NPAS3: variants seen among roughly 807,000 people sequenced by gnomAD.
NPAS3 encodes neuronal PAS domain protein 3.
In NPAS3, 14 loss-of-function variants were observed where a neutral mutation model predicts 73.1. The ratio of observed to expected loss-of-function variants is 0.19; its 90% CI spans 0.13 to 0.30. NPAS3 has a LOEUF of 0.30. Among genes scored for constraint, NPAS3 ranks in the 10% least tolerant of loss-of-function variants. The probability of loss-of-function intolerance (pLI) is 1.00; values close to 1 mark genes in which losing one functional copy is unlikely to be tolerated. For synonymous variants in NPAS3, 620 were observed against 541.5 expected (o/e 1.14, Z -2.01); for missense variants, 1,096 against 1,250.0 (o/e 0.88, Z 1.86).
intron 2 of NPAS3, among the ~76,000 whole-genome samples, chr14:33,201,436 G>A (rs184830743): frequency 3.3e-5 from 5 of 152,290 alleles, no homozygotes; most frequent in African/African-American, 4.8e-5. Context: ...AATCACTGCC[G>A]TTTTCAGAAG....
upstream of NPAS3, among the ~76,000 whole-genome samples, chr14:32,935,481 A>G (rs2035667852): frequency 6.6e-6 from 1 of 152,232 alleles, no homozygotes; most frequent in African/African-American, 2.4e-5. Context: ...GCAATTCTAC[A>G]TAATAGTGTT....
chr14:33,143,519 A>G (rs2044133901), intron 2 of NPAS3, among the ~76,000 whole-genome samples: 1 of 152,158 alleles, frequency 6.6e-6, no homozygotes, highest in African/African-American at 2.4e-5. Context: ...CTGTTCTCTT[A>G]GCTTTTCAAT....
intron 6 of NPAS3, among the ~76,000 whole-genome samples, chr14:33,719,506 CTTTCTAAATACAATATAT>C (rs2061046771): frequency 6.6e-6 from 1 of 152,184 alleles, no homozygotes; most frequent in Non-Finnish European, 1.5e-5. Flanking sequence ...TACATTAGAG[CTTTCTAAATACAATATAT>C]TTTCTAAATA....
Position 33,312,597 on chromosome 14 carries a change from T to C in NPAS3, c.386-54589T>C, listed in dbSNP as rs1202631283. On this transcript the variant is annotated intron_variant, in intron 3 of 11. Transcript: ENST00000356141. ...AGAGCTATCATTTGTAGTTTTAAATTACCGATCACGTCTTTAGTATTATCT... is the reference window on the plus strand; with the variant it reads ...AGAGCTATCATTTGTAGTTTTAAATCACCGATCACGTCTTTAGTATTATCT... Among the ~76,000 whole-genome samples the C allele has an allele frequency of 2.0e-5, 3 of 152,136 alleles. No individual in the cohort carries two copies. The East Asian group carries it at 5.8e-4, about 29-fold the overall frequency.
chr14:33,131,801 A>C (rs1595515019), intron 2 of NPAS3, among the ~76,000 whole-genome samples: 2 of 152,324 alleles, frequency 1.3e-5, no homozygotes, highest in South Asian at 4.1e-4. Flanking sequence ...GGGGTGTTAA[A>C]AAGGGCCACA....
chr14:33,581,990 C>A (rs2056683299), intron 5 of NPAS3: 1 of 152,182 alleles, frequency 6.6e-6, no homozygotes, highest in African/African-American at 2.4e-5. Flanking sequence ...CATTTAGGTC[C>A]TTTCTAATTT....
intron 6 of NPAS3, among the ~76,000 whole-genome samples, chr14:33,683,869 G>A (rs2060011179): frequency 6.6e-6 from 1 of 152,174 alleles, no homozygotes; most frequent in African/African-American, 2.4e-5. Flanking sequence ...GATAATGGTT[G>A]GCATTCATAT....
intron 3 of NPAS3, among the ~76,000 whole-genome samples, chr14:33,229,618 T>A (rs1437211548): frequency 6.6e-6 from 1 of 152,210 alleles, no homozygotes; most frequent in Non-Finnish European, 1.5e-5. Context: ...TTGCTTCACA[T>A]GTGAAGTCAG....
At chr14:33,588,242 G>C (rs1341099672) in intron 5 of NPAS3, among the ~76,000 whole-genome samples, 1 of 152,162 alleles carries the variant, frequency 6.6e-6, no homozygotes, top group Non-Finnish European at 1.5e-5. Context: ...TTTTGCCACT[G>C]ATGTAGCCTG....
At chr14:33,552,234 C>G (rs137931949) in intron 4 of NPAS3, among the ~76,000 whole-genome samples, 1 of 152,326 alleles carries the variant, frequency 6.6e-6, no homozygotes, top group Non-Finnish European at 1.5e-5. Context: ...TTCCACACAG[C>G]TATATCGAGG....
chr14:33,786,492 T>C (rs2063178299), intron 9 of NPAS3, among the ~76,000 whole-genome samples: 1 of 152,218 alleles, frequency 6.6e-6, no homozygotes, highest in African/African-American at 2.4e-5. Context: ...ATCATCCCTT[T>C]TGTCTGTTTT....
chr14:33,719,489 A>G (rs1023829719), intron 6 of NPAS3, among the ~76,000 whole-genome samples: 1 of 152,220 alleles, frequency 6.6e-6, no homozygotes, highest in Non-Finnish European at 1.5e-5. Flanking sequence ...TGTTTACTCA[A>G]AGCAAATACA....
intron 5 of NPAS3, among the ~76,000 whole-genome samples, chr14:33,563,537 C>CACACAG: frequency 3.3e-5 from 4 of 119,698 alleles, no homozygotes; most frequent in African/African-American, 1.1e-4. Context: ...CACACACACA[C>CACACAG]AGAGAGAGAG....
chr14:33,309,935 A>G (rs922810862), intron 3 of NPAS3, among the ~76,000 whole-genome samples: 1 of 152,086 alleles, frequency 6.6e-6, no homozygotes, highest in Non-Finnish European at 1.5e-5. Flanking sequence ...TCTAGCACCC[A>G]TACTTCCTGC....
At chr14:33,142,191 C>CTTTTTTTTTTTTT (rs10709910) in intron 2 of NPAS3, among the ~76,000 whole-genome samples, 1 of 38,084 alleles carries the variant, frequency 2.6e-5, no homozygotes, top group African/African-American at 1.1e-4. Context: ...TTTGTATAAG[C>CTTTTTTTTTTTTT]TTTTTTTTTT....
intron 5 of NPAS3, among the ~76,000 whole-genome samples, chr14:33,608,977 A>G (rs904556395): frequency 6.6e-6 from 1 of 152,196 alleles, no homozygotes; most frequent in Non-Finnish European, 1.5e-5. Flanking sequence ...AGCATCCTAC[A>G]GGGTCTACCC....
At chr14:33,198,668 C>G (rs929184436) in intron 2 of NPAS3, among the ~76,000 whole-genome samples, 1 of 152,246 alleles carries the variant, frequency 6.6e-6, no homozygotes, top group Non-Finnish European at 1.5e-5. Context: ...AGGAGCCCAG[C>G]TGGTTTCCCC....
chr14:33,379,010 C>A (rs1263452444), intron 4 of NPAS3, among the ~76,000 whole-genome samples: 1 of 152,148 alleles, frequency 6.6e-6, no homozygotes, highest in Non-Finnish European at 1.5e-5. Context: ...AAATTCCACA[C>A]GTGACCTCAT....
chr14:32,979,554 C>T (rs989413552), intron 1 of NPAS3, among the ~76,000 whole-genome samples: 1 of 152,118 alleles, frequency 6.6e-6, no homozygotes, highest in African/African-American at 2.4e-5. Context: ...CTGTTCTGTA[C>T]TTTACAAACT....
Sources: gnomAD v4.1 joint callset for allele counts (sites outside exome capture counted in the v4.1 genomes callset) on GRCh38, gnomAD v4.1.1 for gene constraint, MANE v1.5 for transcripts, NCBI Gene and HGNC (gene_info 2026-07-23, HGNC 2026-07-21) for gene names.